NBPF12: variants seen among roughly 807,000 people sequenced by gnomAD.
NBPF12 encodes the protein NBPF member 12.
Under a neutral mutation model 146.4 loss-of-function variants are expected in NBPF12, and 115 were observed. The observed-to-expected ratio is 0.79, with a 90% CI of 0.68 to 0.92. NBPF12 has a LOEUF of 0.92. Among genes scored for constraint, NBPF12 ranks in the 40% least tolerant of loss-of-function variants. The probability of loss-of-function intolerance (pLI) is 0.00; values close to 1 mark genes in which losing one functional copy is unlikely to be tolerated. For synonymous variants in NBPF12, 385 were observed against 508.9 expected (o/e 0.76, Z 3.28); for missense variants, 1,205 against 1,326.8 (o/e 0.91, Z 1.43).
intron 1 of NBPF12, among the ~76,000 whole-genome samples, chr1:146,939,416 G>A (rs1264816930): frequency 5.2e-4 from 79 of 152,068 alleles, no homozygotes; most frequent in African/African-American, 1.9e-3. Context: ...TGCTCCTGGC[G>A]GTGTCTCCAG....
At position 146,966,493 on chromosome 1, in the gene NBPF12, G is replaced by A. The variant is rs1553885656; in HGVS notation, c.808G>A (p.Val270Ile). 116 of 1,440,786 alleles carry A rather than the reference G, an allele frequency of 8.1e-5. No individual in the cohort carries two copies. The East Asian group carries it at 1.6e-3, about 20-fold the overall frequency. The allele number at this position is 1,440,786 out of a possible 1,614,324, so 89.3% of individuals were successfully genotyped here. A position where few individuals can be genotyped will look rare whatever the true frequency, so the allele number is the denominator to read the frequency against. The change falls in exon 9 of 34, where the codon GTC becomes ATC. Residue 270 changes from valine to isoleucine, a missense_variant. Val to Ile is a conservative substitution (Grantham distance 29, BLOSUM62 3). Around this residue, in one of 16 missense-constraint regions of NBPF12, gnomAD observed 325 missense variants for 236.6 expected, o/e 1.37. Transcript: ENST00000617844. ...TGGCCCCACCTCTTCTGCCACAAAC[G>A]TCAGCATGGTGGTATCAGCCGGCCC...
chr1:146,994,374 G>A (rs200052115), exon 34 of NBPF12: 4 of 1,612,316 alleles, frequency 2.5e-6, no homozygotes, highest in South Asian at 2.2e-5. Flanking sequence ...CTGAAGTCTT[G>A]CAGGACTCAC....
chr1:146,966,770 C>T (rs1275535219), intron 9 of NBPF12, 97 bp downstream of exon 12: 7 of 783,344 alleles, frequency 8.9e-6, no homozygotes, highest in East Asian at 2.4e-5. Flanking sequence ...TAATGTCATC[C>T]TCCCCATACT....
At chr1:146,946,916 C>A (rs1655102447), upstream of NBPF12, among the ~76,000 whole-genome samples, 1 of 152,010 alleles carries the variant, frequency 6.6e-6, no homozygotes, top group African/African-American at 2.4e-5. Context: ...TGTTCTAGCA[C>A]CACTAGTTGG....
chr1:146,984,652 C>A, intron 21 of NBPF12, among the ~76,000 whole-genome samples, 161 bp from the exon 25 acceptor site: 1 of 143,458 alleles, frequency 7.0e-6, no homozygotes, highest in Non-Finnish European at 1.5e-5. Flanking sequence ...TTCTACCTGG[C>A]CCTAGTCTAT....
chr1:146,972,646 T>A (rs1463049591), intron 13 of NBPF12, 105 bp from the exon 17 acceptor site: 1 of 1,020,318 alleles, frequency 9.8e-7, no homozygotes, highest in Non-Finnish European at 1.6e-6. Flanking sequence ...AACAACATCT[T>A]CAAATAAGTA....
chr1:146,965,108 G>T lies in NBPF12; in HGVS notation c.778+4G>T. ...GATGCTCTAAACATTCTCCCAGGTA[G>T]CCTCTATTTTCCTTGTGTCTCATAC... On this transcript the variant is annotated splice_donor_region_variant and intron_variant, in intron 8 of 33. Transcript: ENST00000617844. 1 of 1,564,352 alleles carries T rather than the reference G, an allele frequency of 6.4e-7. No individual in the cohort carries two copies.
At chr1:146,954,964 T>G (rs1655509549) in intron 2 of NBPF12, among the ~76,000 whole-genome samples, 3 of 82,590 alleles carry the variant, frequency 3.6e-5, no homozygotes, top group East Asian at 3.8e-4. Flanking sequence ...CATCTCCAAA[T>G]AGGGAATATA....
intron 2 of NBPF12, among the ~76,000 whole-genome samples, chr1:146,956,503 T>C (rs1655595747): frequency 6.6e-6 from 1 of 151,456 alleles, no homozygotes; most frequent in African/African-American, 2.4e-5. Flanking sequence ...ACCGAAATTA[T>C]GCCTTTATAA....
intron 21 of NBPF12, among the ~76,000 whole-genome samples, chr1:146,984,524 T>A (rs1553888346): frequency 1.1e-4 from 17 of 150,182 alleles, no homozygotes; most frequent in African/African-American, 4.0e-4. Flanking sequence ...AAATACAGAG[T>A]GTCCTTTGAC....
In NBPF12 at chr1:146,973,899, C is replaced by T. The variant is rs1463446622; in HGVS notation, c.1802-840C>T. The stretch of plus-strand genomic sequence containing the variant: ...CTTGTTCCTAAAGAGGAAGAAAGAT[C>T]GCACCCGAGAATGTGTGGAGGTAGC... On this transcript the variant is annotated intron_variant, in intron 14 of 33. Coordinates refer to ENST00000617844, the Ensembl canonical transcript of NBPF12. Among the ~76,000 whole-genome samples, 16 of 150,400 alleles carry T rather than the reference C, an allele frequency of 1.1e-4. 1 individual carries two copies. Among genetic ancestry groups the T allele is most frequent in the African/African-American group, 2.2e-4 (9 of 40,256 alleles).
intron 4 of NBPF12, among the ~76,000 whole-genome samples, chr1:146,960,797 T>C (rs1399121129): frequency 1.3e-5 from 2 of 151,992 alleles, no homozygotes; most frequent in African/African-American, 4.8e-5. Context: ...CTGAGGGGCT[T>C]CAAGAGGAGT....
At chr1:146,964,739 G>A (rs1352000243) in intron 7 of NBPF12, among the ~76,000 whole-genome samples, 154 bp from the exon 11 acceptor site, 8 of 152,060 alleles carry the variant, frequency 5.3e-5, no homozygotes, top group African/African-American at 1.9e-4. Context: ...GTTGCAGAGA[G>A]AAGAGGATTG....
At chr1:146,981,294 A>ATATAT (rs1553887974) in intron 19 of NBPF12, among the ~76,000 whole-genome samples, 119 of 90,212 alleles carry the variant, frequency 1.3e-3, no homozygotes, top group African/African-American at 5.3e-3. Flanking sequence ...AAAAAAAAAA[A>ATATAT]ATATATATAT....
chr1:146,982,671 AG>A (rs1306242172), intron 19 of NBPF12, among the ~76,000 whole-genome samples: 5 of 150,376 alleles, frequency 3.3e-5, no homozygotes, highest in Non-Finnish European at 7.4e-5. Context: ...GGTAGTTTAC[AG>A]GGAGAGTCTG....
intron 8 of NBPF12, among the ~76,000 whole-genome samples, chr1:146,966,086 G>A (rs1257591180): frequency 2.6e-5 from 4 of 151,770 alleles, no homozygotes; most frequent in East Asian, 1.9e-4. Flanking sequence ...CAGCCTGCGC[G>A]ACAGAGTGAG....
chr1:146,951,542 C>T, intron 2 of NBPF12, 53 bp downstream of exon 5: 1 of 561,958 alleles, frequency 1.8e-6, no homozygotes, highest in East Asian at 3.0e-5. Context: ...GTAGTTTTTC[C>T]AGGGCAGAGA....
intron 10 of NBPF12, 68 bp downstream of exon 13, chr1:146,968,618 G>A: frequency 2.0e-6 from 3 of 1,467,152 alleles, no homozygotes; most frequent in South Asian, 2.3e-5. Context: ...ACAGCTCGGT[G>A]GGGAGACTTA....
Position 146,984,833 on chromosome 1 carries a change from C to G in NBPF12, c.2687C>G (p.Ala896Gly). The change falls in exon 22 of 34, where the codon GCT becomes GGT. Residue 896 changes from alanine to glycine, a missense_variant. Around this residue, in one of 16 missense-constraint regions of NBPF12, gnomAD observed 68 missense variants for 62.2 expected, o/e 1.09. Transcript: ENST00000617844. ...TCCAGGCTCAGCAGGGAGCTGCTGG[C>G]TGAGAAAGAGCCTGAAGTCTTGCAG... 2.0e-6 allele frequency: 3 copies of G among 1,535,682 alleles called. No homozygotes were observed. In the South Asian group the frequency reaches 3.4e-5, roughly 17 times the overall value.
Sources: allele counts gnomAD v4.1 joint callset (sites outside exome capture counted in the v4.1 genomes callset), GRCh38; gene constraint gnomAD v4.1.1; regional missense constraint gnomAD v4.1.1; transcripts MANE v1.5; gene names NCBI Gene and HGNC (gene_info 2026-07-23, HGNC 2026-07-21).